The following MAPK8 variants were observed in gnomAD, a reference collection of about 807,000 sequenced individuals.
MAPK8 encodes mitogen-activated protein kinase 8.
Under a neutral mutation model 52.9 loss-of-function variants are expected in MAPK8, and 13 were observed. The observed-to-expected ratio is 0.25, with a 90% CI of 0.16 to 0.39. MAPK8 has a LOEUF of 0.39. Ranked by LOEUF, MAPK8 falls within the 10% of genes least tolerant of loss-of-function variation. The pLI, the probability that MAPK8 is intolerant of heterozygous loss-of-function variation, is 1.00. For synonymous variants in MAPK8, 191 were observed against 169.8 expected (o/e 1.12, Z -0.97); for missense variants, 300 against 519.2 (o/e 0.58, Z 4.10).
At chr10:48,349,794 G>C (rs1486322113) in intron 1 of MAPK8, among the ~76,000 whole-genome samples, 1 of 152,112 alleles carries the variant, frequency 6.6e-6, no homozygotes, top group South Asian at 2.1e-4. Flanking sequence ...AGGAGATACA[G>C]ACACGGAAAA....
chr10:48,426,642 A>C, intron 9 of MAPK8, 138 bp downstream of exon 9: 1 of 792,844 alleles, frequency 1.3e-6, no homozygotes, highest in East Asian at 2.9e-5. Flanking sequence ...CTTCATGAAG[A>C]CTACGTCAAA....
chr10:48,402,064 C>T (rs1273980928), intron 2 of MAPK8, among the ~76,000 whole-genome samples: 1 of 152,102 alleles, frequency 6.6e-6, no homozygotes, highest in Non-Finnish European at 1.5e-5. Flanking sequence ...AAATTCAAAT[C>T]AGAAATACTT....
At chr10:48,404,811 G>T in intron 2 of MAPK8, 41 bp from the exon 3 acceptor site, 1 of 1,540,176 alleles carries the variant, frequency 6.5e-7, no homozygotes, top group Non-Finnish European at 8.8e-7. Context: ...ACAGATTTTT[G>T]CTTGAAGTTT....
chr10:48,363,896 G>A (rs946425694), intron 1 of MAPK8, among the ~76,000 whole-genome samples: 4 of 152,188 alleles, frequency 2.6e-5, no homozygotes, highest in African/African-American at 9.6e-5. Context: ...AGCTGGTGAA[G>A]TGTTCTTCAT....
rs2042658560 is a variant in MAPK8, at chr10:48,409,870, T to G, written c.253-9T>G. On this transcript the variant is annotated splice_polypyrimidine_tract_variant and intron_variant, in intron 3 of 11. Coordinates refer to ENST00000374189, the MANE Select transcript of MAPK8 (RefSeq NM_001323329.2). ...TTCTAATTTTTCTGTCTCTCGACTTTTATTATAGATAATTGGCCTTTTGAA... is the reference window on the plus strand; with the variant it reads ...TTCTAATTTTTCTGTCTCTCGACTTGTATTATAGATAATTGGCCTTTTGAA... 2.5e-6 allele frequency: 4 copies of G among 1,593,182 alleles called. No individual in the cohort carries two copies. Among genetic ancestry groups the G allele is most frequent in the Non-Finnish European group, 3.4e-6 (4 of 1,164,646 alleles).
intron 1 of MAPK8, among the ~76,000 whole-genome samples, chr10:48,346,572 C>T (rs988518689): frequency 4.6e-5 from 7 of 152,066 alleles, no homozygotes; most frequent in Non-Finnish European, 7.4e-5. Context: ...TCCCTTTCCC[C>T]GGGGGAGTTT....
chr10:48,410,637 C>A (rs72794378), intron 5 of MAPK8, among the ~76,000 whole-genome samples: 14,463 of 152,116 alleles, frequency 0.095, 720 homozygotes, highest in Non-Finnish European at 0.11. Context: ...ATTTTCAGTC[C>A]TTTAGGATAT....
chr10:48,338,720 A>G (rs1844942041), intron 1 of MAPK8, among the ~76,000 whole-genome samples: 1 of 152,190 alleles, frequency 6.6e-6, no homozygotes, highest in Non-Finnish European at 1.5e-5. Flanking sequence ...AAACAACTCC[A>G]GTAAAGTTTG....
At chr10:48,420,083 A>G (rs990781196) in intron 5 of MAPK8, 72 bp from the exon 6 acceptor site, 6 of 1,147,554 alleles carry the variant, frequency 5.2e-6, no homozygotes, top group Non-Finnish European at 6.3e-6. Flanking sequence ...AAGGGATAGT[A>G]TAACTTTATT....
At chr10:48,362,151 G>A (rs988867004) in intron 1 of MAPK8, among the ~76,000 whole-genome samples, 3 of 152,044 alleles carry the variant, frequency 2.0e-5, no homozygotes, top group Non-Finnish European at 4.4e-5. Context: ...CAGCAAAATG[G>A]AATATTTTTC....
intron 1 of MAPK8, among the ~76,000 whole-genome samples, chr10:48,330,146 G>A (rs764685655): frequency 1.3e-5 from 2 of 152,162 alleles, no homozygotes; most frequent in Non-Finnish European, 2.9e-5. Context: ...CTAGAGTACT[G>A]ATAACTGCTT....
intron 1 of MAPK8, among the ~76,000 whole-genome samples, chr10:48,397,632 C>A (rs573033084): frequency 6.6e-6 from 1 of 152,026 alleles, no homozygotes; most frequent in South Asian, 2.1e-4. Flanking sequence ...ATTCTGTCAC[C>A]CAGGCTGGAG....
At chr10:48,366,045 G>C (rs1564535927) in intron 1 of MAPK8, among the ~76,000 whole-genome samples, 1 of 151,754 alleles carries the variant, frequency 6.6e-6, no homozygotes, top group Non-Finnish European at 1.5e-5. Flanking sequence ...AATTCTTTTA[G>C]AATTCAGTTT....
intron 11 of MAPK8, among the ~76,000 whole-genome samples, chr10:48,431,694 A>G (rs1186077040): frequency 2.6e-5 from 4 of 152,204 alleles, no homozygotes; most frequent in Non-Finnish European, 5.9e-5. Flanking sequence ...TGTTGAATGA[A>G]GGCAATAACA....
At chr10:48,354,002 A>G (rs190562553) in intron 1 of MAPK8, among the ~76,000 whole-genome samples, 3 of 152,214 alleles carry the variant, frequency 2.0e-5, no homozygotes, top group Non-Finnish European at 2.9e-5. Context: ...AAAGCGATAC[A>G]TAGCTATACA....
intron 1 of MAPK8, among the ~76,000 whole-genome samples, chr10:48,316,013 T>A (rs1334525621): frequency 1.3e-5 from 2 of 152,198 alleles, no homozygotes; most frequent in East Asian, 3.8e-4. Context: ...GTGTGAAGTT[T>A]TCTCTCTAAA....
At chr10:48,336,442 A>G (rs1181164978) in intron 1 of MAPK8, among the ~76,000 whole-genome samples, 2 of 152,182 alleles carry the variant, frequency 1.3e-5, no homozygotes, top group Non-Finnish European at 2.9e-5. Context: ...TCCTACTTCT[A>G]AAAGCAGCAA....
At chr10:48,407,534 A>T (rs2042537814) in intron 3 of MAPK8, among the ~76,000 whole-genome samples, 1 of 152,196 alleles carries the variant, frequency 6.6e-6, no homozygotes, top group South Asian at 2.1e-4. Context: ...TCTATAACTG[A>T]TATAATTTCC....
intron 11 of MAPK8, among the ~76,000 whole-genome samples, chr10:48,432,568 ATAG>A (rs928244963): frequency 3.3e-4 from 50 of 152,274 alleles, no homozygotes; most frequent in African/African-American, 1.0e-3. Context: ...GTATTGCTAT[ATAG>A]TAGTAGTAGT....
Sources: allele counts gnomAD v4.1 joint callset (sites outside exome capture counted in the v4.1 genomes callset), GRCh38; gene constraint gnomAD v4.1.1; transcripts MANE v1.5; gene names NCBI Gene and HGNC (gene_info 2026-07-23, HGNC 2026-07-21).